The following KIAA1217 variants were observed in gnomAD, a reference collection of about 807,000 sequenced individuals.
The protein encoded by KIAA1217 is KIAA1217, also known as sickle tail protein homolog.
KIAA1217 carries 88 observed loss-of-function variants against 163.9 expected under a neutral mutation model. The ratio of observed to expected loss-of-function variants is 0.54; its 90% CI spans 0.45 to 0.64. KIAA1217 has a LOEUF of 0.64. Ranked by LOEUF, KIAA1217 falls within the 30% of genes least tolerant of loss-of-function variation. The pLI, the probability that KIAA1217 is intolerant of heterozygous loss-of-function variation, is 0.00. For missense variants in KIAA1217, 2,372 were observed against 2,475.0 expected (o/e 0.96, Z 0.88); for synonymous variants, 903 against 923.1 (o/e 0.98, Z 0.39).
chr10:24,177,596 G>A (rs1459385215), intron 2 of KIAA1217, among the ~76,000 whole-genome samples: 4 of 151,724 alleles, frequency 2.6e-5, no homozygotes, highest in African/African-American at 9.7e-5. Context: ...ATGTAAATCT[G>A]TATAATAAAG....
intron 5 of KIAA1217, among the ~76,000 whole-genome samples, 157 bp from the exon 6 acceptor site, chr10:24,473,071 T>C (rs1292591563): frequency 6.6e-6 from 1 of 152,200 alleles, no homozygotes; most frequent in Non-Finnish European, 1.5e-5. Context: ...CTTCACCCCA[T>C]CTGCAAAGTC....
rs1419791941 is a variant in KIAA1217 at position 23,695,842 on chromosome 10, C to A, written c.-321+608C>A. 6.6e-6 allele frequency among the ~76,000 whole-genome samples: 1 copy of A among 152,146 alleles called. No homozygotes were observed. Among genetic ancestry groups the A allele is most frequent in the African/African-American group, 2.4e-5 (1 of 41,438 alleles). On this transcript the variant is annotated intron_variant, in intron 1 of 18. Coordinates refer to the KIAA1217 transcript ENST00000376462. This position sits in a 1 kb window ranked among gnomAD's most constrained non-coding sequence, Gnocchi z 4.9. Reference sequence around the variant, plus strand: ...AGGAGGCGAATGTGACGCTTAGGGTCGCTACGGTTGATGTTGGGCGCCTTT... The same window carrying A: ...AGGAGGCGAATGTGACGCTTAGGGTAGCTACGGTTGATGTTGGGCGCCTTT...
At chr10:24,254,876 C>A (rs1343679664) in intron 2 of KIAA1217, among the ~76,000 whole-genome samples, 1 of 149,220 alleles carries the variant, frequency 6.7e-6, no homozygotes, top group East Asian at 2.0e-4. Flanking sequence ...TTTTTTGAGA[C>A]GGAGTCTTAC....
chr10:24,304,694 A>C (rs1347670138), intron 2 of KIAA1217, among the ~76,000 whole-genome samples: 2 of 152,124 alleles, frequency 1.3e-5, no homozygotes, highest in Non-Finnish European at 1.5e-5. Context: ...GGTTTGGGGA[A>C]GGCTTCTGTA....
At chr10:24,138,840 A>G (rs1480839619) in intron 2 of KIAA1217, among the ~76,000 whole-genome samples, 1 of 152,170 alleles carries the variant, frequency 6.6e-6, no homozygotes, top group East Asian at 1.9e-4. Context: ...TTACAGTTTT[A>G]TATCAAAGAC....
chr10:24,448,138 G>A (rs1368119707), intron 5 of KIAA1217, among the ~76,000 whole-genome samples: 1 of 151,874 alleles, frequency 6.6e-6, no homozygotes. Context: ...CAAAAAAAAA[G>A]AAGTTAATAA....
chr10:24,237,841 G>A (rs549355854), intron 2 of KIAA1217, among the ~76,000 whole-genome samples: 1 of 152,122 alleles, frequency 6.6e-6, no homozygotes, highest in African/African-American at 2.4e-5. Context: ...CTCTGGCTGC[G>A]GTATTAAACC....
chr10:23,790,169 A>ATATG (rs1835708274), intron 1 of KIAA1217, among the ~76,000 whole-genome samples: 1 of 64,462 alleles, frequency 1.6e-5, no homozygotes, highest in Non-Finnish European at 2.8e-5. Flanking sequence ...ATACACATAT[A>ATATG]CACATATGCA....
intron 2 of KIAA1217, among the ~76,000 whole-genome samples, chr10:24,108,900 C>T (rs1389122613): frequency 1.3e-5 from 2 of 152,160 alleles, no homozygotes; most frequent in African/African-American, 2.4e-5. Context: ...GGCTCAATAT[C>T]GGCTCACTGC....
At chr10:23,759,713 G>A (rs115674387) in intron 1 of KIAA1217, among the ~76,000 whole-genome samples, 1,710 of 152,304 alleles carry the variant, frequency 0.011, 18 homozygotes, top group Middle Eastern at 0.058. Flanking sequence ...AGATAAGAAC[G>A]ATGTCTGACA....
chr10:24,000,316 C>T (rs1235610337), intron 1 of KIAA1217, among the ~76,000 whole-genome samples: 1 of 152,154 alleles, frequency 6.6e-6, no homozygotes, highest in Non-Finnish European at 1.5e-5. Context: ...TACCCTCATG[C>T]TGTTCTAGTA....
chr10:24,183,667 T>C (rs1054442908), intron 2 of KIAA1217, among the ~76,000 whole-genome samples: 1 of 152,212 alleles, frequency 6.6e-6, no homozygotes, highest in African/African-American at 2.4e-5. Context: ...AACTAGCCTC[T>C]TCTTGGTTAT....
chr10:24,075,629 A>G (rs1037541474), intron 2 of KIAA1217, among the ~76,000 whole-genome samples: 11 of 139,534 alleles, frequency 7.9e-5, no homozygotes, highest in Non-Finnish European at 1.4e-4. Context: ...TTTGAGATGG[A>G]GTCTTGCTCT....
At chr10:24,535,956 T>A (rs944313414) in intron 16 of KIAA1217, among the ~76,000 whole-genome samples, 1 of 152,118 alleles carries the variant, frequency 6.6e-6, no homozygotes, top group Non-Finnish European at 1.5e-5. Flanking sequence ...CTGGGTGGTA[T>A]ATAGCCTGGT....
chr10:24,360,040 C>CTT (rs34396312), intron 2 of KIAA1217, among the ~76,000 whole-genome samples: 10,430 of 93,794 alleles, frequency 0.11, 1,028 homozygotes, highest in Non-Finnish European at 0.14. Context: ...GATATAATTA[C>CTT]TTTTTTTTTT....
chr10:24,022,585 A>G (rs943516914), intron 2 of KIAA1217, among the ~76,000 whole-genome samples: 2 of 151,814 alleles, frequency 1.3e-5, no homozygotes, highest in African/African-American at 4.8e-5. Flanking sequence ...GACTTACTAT[A>G]TGATCCAGCA....
intron 2 of KIAA1217, among the ~76,000 whole-genome samples, chr10:24,274,591 T>C (rs1029175238): frequency 6.6e-6 from 1 of 152,194 alleles, no homozygotes; most frequent in African/African-American, 2.4e-5. Flanking sequence ...GTATTGATGT[T>C]CTATAAACTT....
chr10:23,851,162 C>A (rs929102427), intron 1 of KIAA1217, among the ~76,000 whole-genome samples: 1 of 152,122 alleles, frequency 6.6e-6, no homozygotes, highest in Non-Finnish European at 1.5e-5. Context: ...ATCCCTCCCC[C>A]TTCCTCCCAC....
At chr10:24,443,932 T>C (rs1237524614) in intron 5 of KIAA1217, among the ~76,000 whole-genome samples, 1 of 152,132 alleles carries the variant, frequency 6.6e-6, no homozygotes, top group Non-Finnish European at 1.5e-5. Context: ...CAAAGCTGGA[T>C]GATGGGGGTA....
Sources: gnomAD v4.1 joint callset for allele counts (sites outside exome capture counted in the v4.1 genomes callset) on GRCh38, gnomAD v4.1.1 for gene constraint, Gnocchi (gnomAD v3.1) non-coding constraint, MANE v1.5 for transcripts, NCBI Gene and HGNC (gene_info 2026-07-23, HGNC 2026-07-21) for gene names.